CNTNAP2: variants seen among roughly 807,000 people sequenced by gnomAD.
The protein encoded by CNTNAP2 is contactin-associated protein-like 2.
Under a neutral mutation model 155.2 loss-of-function variants are expected in CNTNAP2, and 98 were observed. The observed-to-expected ratio is 0.63, with a 90% CI of 0.54 to 0.75. The LOEUF is 0.75. Among genes scored for constraint, CNTNAP2 ranks in the 30% least tolerant of loss-of-function variants. The probability of loss-of-function intolerance (pLI) is 0.00; values close to 1 mark genes in which losing one functional copy is unlikely to be tolerated. For synonymous variants in CNTNAP2, 651 were observed against 631.2 expected (o/e 1.03, Z -0.47); for missense variants, 1,727 against 1,688.1 (o/e 1.02, Z -0.40).
chr7:146,909,835 A>C (rs1333914171), intron 3 of CNTNAP2, among the ~76,000 whole-genome samples: 6 of 10,498 alleles, frequency 5.7e-4, no homozygotes, highest in Non-Finnish European at 1.2e-3. Flanking sequence ...AATAAAGGGT[A>C]TTCAATTAGG....
At chr7:147,013,011 C>A (rs899328149) in intron 3 of CNTNAP2, among the ~76,000 whole-genome samples, 4 of 152,038 alleles carry the variant, frequency 2.6e-5, no homozygotes, top group African/African-American at 7.2e-5. Flanking sequence ...TACCAAAGTT[C>A]TTTTAAAACC....
intron 1 of CNTNAP2, among the ~76,000 whole-genome samples, chr7:146,638,944 A>G (rs114058078): frequency 4.5e-4 from 69 of 152,304 alleles, no homozygotes; most frequent in African/African-American, 1.6e-3. Context: ...CTACAAACCT[A>G]TATAACATAC....
chr7:147,522,952 C>T (rs1799255586), intron 11 of CNTNAP2, among the ~76,000 whole-genome samples: 1 of 152,116 alleles, frequency 6.6e-6, no homozygotes, highest in Non-Finnish European at 1.5e-5. Context: ...CATTTTCATA[C>T]TAGTTATGTG....
At chr7:147,661,499 CCT>C (rs1795607254) in intron 13 of CNTNAP2, among the ~76,000 whole-genome samples, 1 of 151,754 alleles carries the variant, frequency 6.6e-6, no homozygotes, top group African/African-American at 2.4e-5. Context: ...GGAGAAAATT[CCT>C]CTGTTCTGAT....
intron 21 of CNTNAP2, among the ~76,000 whole-genome samples, chr7:148,330,743 A>AG: frequency 1.4e-5 from 2 of 147,750 alleles, no homozygotes; most frequent in South Asian, 2.2e-4. Context: ...GGATGGATGG[A>AG]TGGATGGAGT....
At chr7:147,436,561 G>C (rs1159322811) in intron 10 of CNTNAP2, among the ~76,000 whole-genome samples, 3 of 152,058 alleles carry the variant, frequency 2.0e-5, no homozygotes, top group African/African-American at 4.8e-5. Flanking sequence ...CATTACACTG[G>C]GCAAAGTTAC....
chr7:147,700,868 G>A (rs1796227212), intron 13 of CNTNAP2, among the ~76,000 whole-genome samples: 1 of 152,108 alleles, frequency 6.6e-6, no homozygotes, highest in Admixed American at 6.6e-5. Flanking sequence ...TTGGCCCGCT[G>A]GGTCTCCTTT....
chr7:147,055,587 T>C (rs1378144537), intron 4 of CNTNAP2, among the ~76,000 whole-genome samples: 1 of 152,176 alleles, frequency 6.6e-6, no homozygotes, highest in Non-Finnish European at 1.5e-5. Context: ...ATTAGTGGCA[T>C]TTCCACACAG....
intron 1 of CNTNAP2, among the ~76,000 whole-genome samples, chr7:146,362,817 CTGG>C (rs1795102017): frequency 7.6e-6 from 1 of 131,948 alleles, no homozygotes; most frequent in African/African-American, 2.9e-5. Context: ...TGTTGCCAGA[CTGG>C]AGTGCAGTGG....
At chr7:146,769,172 G>T (rs771652788) in intron 1 of CNTNAP2, among the ~76,000 whole-genome samples, 2 of 152,220 alleles carry the variant, frequency 1.3e-5, no homozygotes, top group Non-Finnish European at 2.9e-5. Flanking sequence ...AGGGAAGTAC[G>T]CTGGAGACCA....
At chr7:147,369,732 G>A (rs561539731) in intron 9 of CNTNAP2, among the ~76,000 whole-genome samples, 4 of 152,180 alleles carry the variant, frequency 2.6e-5, no homozygotes, top group African/African-American at 9.7e-5. Context: ...TGGCTTAAGG[G>A]TCATAGTTTG....
At chr7:147,487,294 T>C (rs1323273648) in intron 11 of CNTNAP2, among the ~76,000 whole-genome samples, 1 of 152,212 alleles carries the variant, frequency 6.6e-6, no homozygotes, top group African/African-American at 2.4e-5. Flanking sequence ...ACTAGATTCA[T>C]TATCTGTGTT....
At chr7:147,195,005 T>A (rs1169750857) in intron 8 of CNTNAP2, among the ~76,000 whole-genome samples, 1 of 152,256 alleles carries the variant, frequency 6.6e-6, no homozygotes, top group Non-Finnish European at 1.5e-5. Context: ...CATGCTTATG[T>A]CCTAAATGGT....
intron 1 of CNTNAP2, among the ~76,000 whole-genome samples, chr7:146,694,198 A>G (rs2129172125): frequency 6.6e-6 from 1 of 152,338 alleles, no homozygotes; most frequent in Middle Eastern, 3.4e-3. Flanking sequence ...GAGCTAAGGA[A>G]GAGAGCTGCT....
intron 1 of CNTNAP2, among the ~76,000 whole-genome samples, chr7:146,244,982 T>C (rs1262526207): frequency 6.6e-6 from 1 of 152,090 alleles, no homozygotes; most frequent in Non-Finnish European, 1.5e-5. Flanking sequence ...AGTAGTAGAA[T>C]AGCAGATGGA....
rs1169437068 is a variant in CNTNAP2, at chr7:147,719,488, C to A, written c.2098+80182C>A. Among the ~76,000 whole-genome samples the A allele has an allele frequency of 2.6e-5, 4 of 152,132 alleles. No individual in the cohort carries two copies. In the East Asian group the frequency reaches 7.8e-4, roughly 29 times the overall value. The stretch of plus-strand genomic sequence containing the variant: ...GAATCTGCCAGCTTCTGTACACAGA[C>A]CTCATTGTCTCTAAATGATTCACCT... On this transcript the variant is annotated intron_variant, in intron 13 of 23. Transcript: ENST00000361727.
chr7:147,272,553 C>T (rs535259629), intron 8 of CNTNAP2, among the ~76,000 whole-genome samples: 2 of 152,194 alleles, frequency 1.3e-5, no homozygotes, highest in East Asian at 3.9e-4. Flanking sequence ...GGCTGGAGTG[C>T]AGTGGCGCCA....
chr7:147,115,043 G>A (rs951137963), intron 5 of CNTNAP2, among the ~76,000 whole-genome samples: 4 of 152,158 alleles, frequency 2.6e-5, no homozygotes, highest in African/African-American at 7.2e-5. Flanking sequence ...TGTCTGAAAA[G>A]GATCTTATTT....
chr7:147,153,511 AAGT>A (rs1415299766), intron 8 of CNTNAP2, among the ~76,000 whole-genome samples: 1 of 152,116 alleles, frequency 6.6e-6, no homozygotes, highest in East Asian at 1.9e-4. Context: ...GGAGTTAGTT[AAGT>A]AGATATCTGG....
Sources: allele counts gnomAD v4.1 joint callset (sites outside exome capture counted in the v4.1 genomes callset), GRCh38; gene constraint gnomAD v4.1.1; transcripts MANE v1.5; gene names NCBI Gene and HGNC (gene_info 2026-07-23, HGNC 2026-07-21).